The following REXO1 variants were observed in gnomAD, a reference collection of about 807,000 sequenced individuals.
REXO1 encodes the protein REX1, RNA exonuclease 1 homolog.
Under a neutral mutation model 102.6 loss-of-function variants are expected in REXO1, and 42 were observed. The observed-to-expected ratio is 0.41, with a 90% CI of 0.32 to 0.53. The LOEUF is 0.53. Ranked by LOEUF, REXO1 falls within the 20% of genes least tolerant of loss-of-function variation. The pLI, the probability that REXO1 is intolerant of heterozygous loss-of-function variation, is 0.27. For missense variants in REXO1, 1,819 were observed against 1,732.5 expected (o/e 1.05, Z -0.89); for synonymous variants, 908 against 779.1 (o/e 1.17, Z -2.76).
rs2069380047 is a variant in REXO1, at chr19:1,816,819, G to C, written c.3202-6C>G. ...AGGCCATATGTGGTGTAGGACTGCG[G>C]GCAAGGGATGCACCTCAGATGTGTC... On this transcript the variant is annotated splice_polypyrimidine_tract_variant and splice_region_variant and intron_variant, in intron 12 of 15. Coordinates refer to ENST00000170168, the MANE Select transcript of REXO1 (RefSeq NM_020695.4). The C allele has an allele frequency of 6.2e-7, 1 of 1,603,692 alleles. No individual in the cohort carries two copies. The highest frequency in any genetic ancestry group is 1.3e-5 in the African/African-American group (1 of 74,582).
chr19:1,823,826 G>GTCACCACAAAT, intron 3 of REXO1, 41 bp from the exon 4 acceptor site: 1 of 1,019,426 alleles, frequency 9.8e-7, no homozygotes, highest in East Asian at 3.2e-5. Flanking sequence ...GCACAGCGGG[G>GTCACCACAAAT]GCACCTGGAG....
intron 12 of REXO1, 122 bp from the exon 13 acceptor site, chr19:1,816,935 A>G: frequency 2.5e-6 from 2 of 801,370 alleles, no homozygotes; most frequent in Non-Finnish European, 2.0e-6. Flanking sequence ...ACTCTGTGGG[A>G]CTTCTAGGAG....
At position 1,815,628 on chromosome 19, in the gene REXO1, G is replaced by A. The variant is rs2069337185; in HGVS notation, c.*438C>T. On this transcript the variant is annotated 3_prime_UTR_variant, in exon 16 of 16. Coordinates refer to ENST00000170168, the MANE Select transcript of REXO1 (RefSeq NM_020695.4). This position sits in a 1 kb window ranked among gnomAD's most constrained non-coding sequence, Gnocchi z 4.0. The stretch of plus-strand genomic sequence containing the variant: ...GGGAAAGATGCTGTGCAAGTCATCA[G>A]GTTTAAATTAAAAATAATAAAAATA... The A allele has an allele frequency of 1.5e-5, 17 of 1,109,528 alleles. No individual in the cohort carries two copies. The highest frequency in any genetic ancestry group is 1.9e-5 in the Non-Finnish European group (17 of 877,238). The allele number at this position is 1,109,528 out of a possible 1,614,324, so 68.7% of individuals were successfully genotyped here.
In REXO1 at chr19:1,826,016, G is replaced by A; in HGVS notation, c.1912-73C>T. On this transcript the variant is annotated intron_variant, in intron 2 of 15. Transcript: ENST00000170168. This position sits in a 1 kb window ranked among gnomAD's most constrained non-coding sequence, Gnocchi z 4.3. The stretch of plus-strand genomic sequence containing the variant: ...CACCAACACACCCCAACCTCAAACT[G>A]CCCCCGGCAAGTGGGGAATGGAACA... 3.6e-6 allele frequency: 4 copies of A among 1,098,024 alleles called. No individual in the cohort carries two copies. Among genetic ancestry groups the A allele is most frequent in the Admixed American group, 1.8e-5 (1 of 55,880 alleles). The allele number at this position is 1,098,024 out of a possible 1,614,324, so 68.0% of individuals were successfully genotyped here.
Position 1,827,556 on chromosome 19 carries a change from G to C in REXO1, c.1233C>G (p.Pro411=). 1 of 1,594,980 alleles carries C rather than the reference G, an allele frequency of 6.3e-7. No homozygotes were observed. Among genetic ancestry groups the C allele is most frequent in the Non-Finnish European group, 8.5e-7 (1 of 1,176,492 alleles). Residue 411 remains proline, a synonymous_variant, in exon 2 of 16, where the codon CCC becomes CCG. Transcript: ENST00000170168. Reference sequence around the variant, plus strand: ...CCTGCGGGCCCTTCTTGTCCGCACGGGGCTTCTCCACAGGCCGCCCTCGGC... The same window carrying C: ...CCTGCGGGCCCTTCTTGTCCGCACGCGGCTTCTCCACAGGCCGCCCTCGGC... ...DKGRGRPVEK[P]RADKKGPQAS... is the part of the protein sequence containing the mutation.
rs757925725 is a variant in REXO1, at chr19:1,828,503, C to T, written c.286G>A (p.Glu96Lys). The T allele has an allele frequency of 3.0e-5, 48 of 1,604,890 alleles. No homozygotes were observed. Among genetic ancestry groups the T allele is most frequent in the African/African-American group, 4.0e-5 (3 of 74,912 alleles). Residue 96 changes from glutamate to lysine, a missense_variant, in exon 2 of 16, where the codon GAG (glutamate) becomes AAG (lysine). Coordinates refer to ENST00000170168, the MANE Select transcript of REXO1 (RefSeq NM_020695.4). ...AGCTCCACCTCACTGCGCACGGCCT[C>T]GATGGCCTGGTTGACCAGCTCCAAC... is the stretch of plus-strand genomic sequence containing the variant. ...LELELVNQAI[E>K]AVRSEVELEQ... is the part of the protein sequence containing the mutation.
In REXO1 at chr19:1,848,412, C is replaced by T. The variant is rs555685097; in HGVS notation, c.-54G>A. 1.8e-5 allele frequency: 21 copies of T among 1,153,894 alleles called. No homozygotes were observed. In the African/African-American group the frequency reaches 3.1e-4, roughly 17 times the overall value. 71.5% of individuals were successfully genotyped at this position (1,153,894 alleles called of 1,614,324 possible). A position where few individuals can be genotyped will look rare whatever the true frequency, so the allele number is the denominator to read the frequency against. On this transcript the variant is annotated 5_prime_UTR_variant, in exon 1 of 16. Transcript: ENST00000170168. ...GGAGCCGCCCGGGCCCCAGGGCCCC[C>T]TCACTGGCGCCGCGGTCGCCGCCGC... is the stretch of plus-strand genomic sequence containing the variant.
chr19:1,818,940 G>A, intron 8 of REXO1, 78 bp downstream of exon 8: 14 of 1,567,554 alleles, frequency 8.9e-6, no homozygotes, highest in Non-Finnish European at 1.2e-5. Flanking sequence ...GGCCCACGAA[G>A]CACCGTGTGG....
rs2069343944 is a variant in REXO1, at chr19:1,815,859, G to C, written c.*207C>G. The C allele has an allele frequency of 1.7e-5, 26 of 1,522,270 alleles. No individual in the cohort carries two copies. The highest frequency in any genetic ancestry group is 2.3e-5 in the Non-Finnish European group (26 of 1,137,898). 94.3% of individuals were successfully genotyped at this position (1,522,270 alleles called of 1,614,324 possible). On this transcript the variant is annotated 3_prime_UTR_variant, in exon 16 of 16. Transcript: ENST00000170168. This position sits in a 1 kb window ranked among gnomAD's most constrained non-coding sequence, Gnocchi z 4.0. ...AGAGACGCCAGAGGGCTGGGGGGCA[G>C]AGGGTGGGGACCGGCGGAGGGGTGC... is the stretch of plus-strand genomic sequence containing the variant.
intron 3 of REXO1, among the ~76,000 whole-genome samples, chr19:1,825,014 T>C (rs2145265369): frequency 6.9e-6 from 1 of 145,436 alleles, no homozygotes; most frequent in South Asian, 2.4e-4. Context: ...CTCGAACTCC[T>C]GACCTCGTGA....
rs943037731 is a variant in REXO1, at chr19:1,823,882, G to A, written c.2017-97C>T. ...TGGGAGAGGGTGGCTGGAGCTCGGG[G>A]GCCGGAGGCACCACCTCCCTGGCTG... On this transcript the variant is annotated intron_variant, in intron 3 of 15. Coordinates refer to ENST00000170168, the MANE Select transcript of REXO1 (RefSeq NM_020695.4). 18 of 485,728 alleles carry A rather than the reference G, an allele frequency of 3.7e-5. No homozygotes were observed. In the Admixed American group the frequency reaches 6.6e-4, roughly 18 times the overall value. 30.1% of individuals were successfully genotyped at this position (485,728 alleles called of 1,614,324 possible). A position where few individuals can be genotyped will look rare whatever the true frequency, so the allele number is the denominator to read the frequency against.
intron 3 of REXO1, chr19:1,824,683 G>A (rs1267723548): frequency 6.6e-6 from 1 of 152,174 alleles, no homozygotes; most frequent in Non-Finnish European, 1.5e-5. Flanking sequence ...AAACTTGGGT[G>A]GAAGAACGAA....
Position 1,818,471 on chromosome 19 carries a change from T to A in REXO1, c.3016+11A>T, listed in dbSNP as rs771273200. 1.9e-6 allele frequency: 3 copies of A among 1,578,660 alleles called. No homozygotes were observed. Reference sequence around the variant, plus strand: ...TGGGTGGGAAGGGGAAGGACCCGGGTAAGGCCTTACCCCGGTTCCGGCGCA... The same window carrying A: ...TGGGTGGGAAGGGGAAGGACCCGGGAAAGGCCTTACCCCGGTTCCGGCGCA... On this transcript the variant is annotated intron_variant, in intron 10 of 15. Transcript: ENST00000170168.
At chr19:1,844,271 T>A (rs1395418891) in intron 1 of REXO1, among the ~76,000 whole-genome samples, 1 of 152,150 alleles carries the variant, frequency 6.6e-6, no homozygotes, top group Non-Finnish European at 1.5e-5. Context: ...CTCAGTTTCC[T>A]CATCTGTAAA....
chr19:1,830,510 TAAAAA>T (rs1367987499), intron 1 of REXO1, among the ~76,000 whole-genome samples: 2 of 152,154 alleles, frequency 1.3e-5, no homozygotes, highest in Admixed American at 6.5e-5. Flanking sequence ...CCCCAGCTCT[TAAAAA>T]AATAAAATAA....
At position 1,825,854 on chromosome 19, in the gene REXO1, G is replaced by A. The variant is rs1599139711; in HGVS notation, c.2001C>T (p.Ser667=). ...PGQKRRISHL[S]KQGQEVEPPR... is the part of the protein sequence containing the mutation. The stretch of plus-strand genomic sequence containing the variant: ...CGGACCTTACCTCCTGGCCTTGCTT[G>A]GAAAGGTGGGAGATCCTCCTCTTCT... The change falls in exon 3 of 16, where the codon TCC becomes TCT. Residue 667 remains serine, a synonymous_variant. Transcript: ENST00000170168. 1.2e-6 allele frequency: 2 copies of A among 1,611,484 alleles called. No homozygotes were observed. Among genetic ancestry groups the A allele is most frequent in the East Asian group, 2.2e-5 (1 of 44,822 alleles).
At position 1,821,512 on chromosome 19, in the gene REXO1, G is replaced by T. The variant is rs370710210; in HGVS notation, c.2394+7C>A. On this transcript the variant is annotated splice_region_variant and intron_variant, in intron 5 of 15. Transcript: ENST00000170168. Reference sequence around the variant, plus strand: ...GTGGTGGTCCTGGCCGAGATGGGAGGGGCTACCTGTAAGGATGGACTGTGG... The same window carrying T: ...GTGGTGGTCCTGGCCGAGATGGGAGTGGCTACCTGTAAGGATGGACTGTGG... The T allele has an allele frequency of 6.2e-7, 1 of 1,613,346 alleles. No homozygotes were observed. The highest frequency in any genetic ancestry group is 1.3e-5 in the African/African-American group (1 of 74,882).
chr19:1,840,412 C>T (rs781507182), intron 1 of REXO1, among the ~76,000 whole-genome samples: 9 of 152,086 alleles, frequency 5.9e-5, no homozygotes, highest in East Asian at 3.9e-4. Context: ...ACCGCAGGAG[C>T]GCTCCCAGGC....
chr19:1,847,822 G>A (rs532990124), intron 1 of REXO1, among the ~76,000 whole-genome samples: 1 of 152,350 alleles, frequency 6.6e-6, no homozygotes, highest in Non-Finnish European at 1.5e-5. Context: ...CATGGGGTCC[G>A]GGAAGCGGCG....
Sources: allele counts gnomAD v4.1 joint callset (sites outside exome capture counted in the v4.1 genomes callset), GRCh38; gene constraint gnomAD v4.1.1; non-coding constraint Gnocchi (gnomAD v3.1); transcripts MANE v1.5; gene names NCBI Gene and HGNC (gene_info 2026-07-23, HGNC 2026-07-21).